The following RNPC3 variants were observed in gnomAD, a reference collection of about 807,000 sequenced individuals.
The protein encoded by RNPC3 is RNA-binding region-containing protein 3.
A neutral mutation model predicts 67.5 loss-of-function variants in RNPC3; 48 were observed. The observed-to-expected ratio is 0.71, with a 90% CI of 0.56 to 0.90. The LOEUF (loss-of-function observed/expected upper bound fraction) is 0.90. Ranked by LOEUF, RNPC3 falls within the 40% of genes least tolerant of loss-of-function variation. The probability of loss-of-function intolerance (pLI) is 0.00; values close to 1 mark genes in which losing one functional copy is unlikely to be tolerated. For synonymous variants in RNPC3, 239 were observed against 210.3 expected (o/e 1.14, Z -1.18); for missense variants, 637 against 626.1 (o/e 1.02, Z -0.19).
intron 6 of RNPC3, among the ~76,000 whole-genome samples, chr1:103,536,703 A>G (rs1650995648): frequency 6.6e-6 from 1 of 152,184 alleles, no homozygotes; most frequent in Non-Finnish European, 1.5e-5. Flanking sequence ...GAGTGTTCAT[A>G]TATGAATAGA....
At chr1:103,552,978 T>C (rs1358906482) in intron 14 of RNPC3, among the ~76,000 whole-genome samples, 2 of 152,216 alleles carry the variant, frequency 1.3e-5, no homozygotes, top group Non-Finnish European at 2.9e-5. Context: ...CCTTTGTTTT[T>C]TATTTAAATT....
chr1:103,539,759 C>T (rs1026903758), intron 7 of RNPC3, among the ~76,000 whole-genome samples: 1 of 152,152 alleles, frequency 6.6e-6, no homozygotes, highest in Admixed American at 6.5e-5. Flanking sequence ...TTGAGTATCT[C>T]TAAACTAAAT....
chr1:103,526,248 G>C lies in RNPC3; in HGVS notation c.178G>C (p.Asp60His). The change falls in exon 1 of 15, where the codon GAT (aspartate) becomes CAT (histidine). Residue 60 changes from aspartate (D) to histidine (H), a missense_variant. By Grantham distance (81) the Asp-to-His change is moderately conservative. This residue lies in a region of RNPC3 where 536 missense variants were observed against 500.3 expected (regional missense o/e 1.07). Transcript: ENST00000423855. ...GGCTCAGTCTGTGCGGGTCCTGTCA[G>C]ATAAGGGGCGACTGGTAAGGGCGCG... is the stretch of plus-strand genomic sequence containing the variant. ...FGAQSVRVLS[D>H]KGRLKHTAFA... The C allele has an allele frequency of 6.5e-7, 1 of 1,544,966 alleles. No individual in the cohort carries two copies. Among genetic ancestry groups the C allele is most frequent in the Non-Finnish European group, 8.7e-7 (1 of 1,143,268 alleles).
At position 103,543,378 on chromosome 1, in the gene RNPC3, T is replaced by C; in HGVS notation, c.976T>C (p.Ser326Pro). 1 of 1,521,302 alleles carries C rather than the reference T, an allele frequency of 6.6e-7. No individual in the cohort carries two copies. The highest frequency in any genetic ancestry group is 8.8e-7 in the Non-Finnish European group (1 of 1,140,068). 94.2% of individuals were successfully genotyped at this position (1,521,302 alleles called of 1,614,324 possible). ...VGNKRIEFHI[S>P]TDMPAAFKKD... Reference sequence around the variant, plus strand: ...TAACAAAAGAATTGAATTCCATATATCTACCGACATGCCAGCTGCATTTAA... The same window carrying C: ...TAACAAAAGAATTGAATTCCATATACCTACCGACATGCCAGCTGCATTTAA... Residue 326 changes from serine (S) to proline (P), a missense_variant, in exon 9 of 15, where the codon TCT (serine) becomes CCT (proline). Ser to Pro is a moderately conservative substitution (Grantham distance 74). Transcript: ENST00000423855.
chr1:103,534,894 C>T (rs1319283954), intron 4 of RNPC3, 37 bp downstream of exon 4: 44 of 1,278,516 alleles, frequency 3.4e-5, no homozygotes, highest in Non-Finnish European at 4.5e-5. Context: ...TGCTTTTGTT[C>T]TGTGTTATAT....
intron 14 of RNPC3, chr1:103,554,390 G>C (rs899781250): frequency 2.6e-5 from 4 of 152,188 alleles, no homozygotes; most frequent in Admixed American, 2.6e-4. Flanking sequence ...TTGATGCTTG[G>C]TTCCTTTGGT....
At chr1:103,537,319 T>G in intron 6 of RNPC3, 23 bp from the exon 7 acceptor site, 1 of 1,500,730 alleles carries the variant, frequency 6.7e-7, no homozygotes, top group Non-Finnish European at 8.9e-7. Context: ...GCCATAGTAT[T>G]TTTGTTTTAT....
intron 10 of RNPC3, 103 bp downstream of exon 10, chr1:103,545,205 A>G: frequency 1.1e-6 from 1 of 901,058 alleles, no homozygotes; most frequent in Non-Finnish European, 1.6e-6. Flanking sequence ...TTTAAGGCAC[A>G]TACTTTAAAA....
intron 1 of RNPC3, among the ~76,000 whole-genome samples, chr1:103,527,056 C>A (rs901406747): frequency 6.6e-6 from 1 of 151,926 alleles, no homozygotes; most frequent in African/African-American, 2.4e-5. Context: ...AATTTAAGTA[C>A]ATCAGGTCAT....
chr1:103,545,140 T>C (rs1265695049), intron 10 of RNPC3, 38 bp downstream of exon 10: 3 of 1,483,902 alleles, frequency 2.0e-6, no homozygotes, highest in Middle Eastern at 3.4e-4. Flanking sequence ...TATTCCATTT[T>C]ACATATCTTT....
intron 7 of RNPC3, among the ~76,000 whole-genome samples, chr1:103,540,382 G>A (rs1032718740): frequency 1.3e-5 from 2 of 152,124 alleles, no homozygotes; most frequent in Non-Finnish European, 2.9e-5. Flanking sequence ...AGCCATTTTG[G>A]ATAAGGGGTG....
chr1:103,527,662 T>G, intron 1 of RNPC3, 33 bp from the exon 2 acceptor site: 1 of 1,491,408 alleles, frequency 6.7e-7, no homozygotes, highest in Non-Finnish European at 9.1e-7. Context: ...TGAAATTATA[T>G]TGGAAGTAAT....
chr1:103,535,508 A>G, intron 5 of RNPC3, 67 bp downstream of exon 5: 1 of 967,614 alleles, frequency 1.0e-6, no homozygotes, highest in East Asian at 2.7e-5. Context: ...TTTCATGCTG[A>G]TTCTCATAAA....
At chr1:103,536,310 G>C in intron 6 of RNPC3, 116 bp downstream of exon 6, 1 of 690,918 alleles carries the variant, frequency 1.4e-6, no homozygotes, top group Non-Finnish European at 2.5e-6. Flanking sequence ...TAAGGAACGG[G>C]TATAAAGTAA....
intron 3 of RNPC3, among the ~76,000 whole-genome samples, chr1:103,534,114 A>T (rs2101044386): frequency 6.6e-6 from 1 of 152,150 alleles, no homozygotes; most frequent in South Asian, 2.1e-4. Flanking sequence ...TTCATCTTCA[A>T]CTTTCAATGG....
At chr1:103,541,882 A>T (rs1417622328) in intron 8 of RNPC3, among the ~76,000 whole-genome samples, 4 of 152,024 alleles carry the variant, frequency 2.6e-5, no homozygotes, top group African/African-American at 9.7e-5. Context: ...GTTTATATAC[A>T]GTTATTTAGT....
Position 103,526,250 on chromosome 1 carries a change from T to A in RNPC3, c.180T>A (p.Asp60Glu), listed in dbSNP as rs192837663. 490 of 1,543,924 alleles carry A rather than the reference T, an allele frequency of 3.2e-4. 5 individuals are homozygous for A. The Admixed American group carries it at 9.3e-3, about 29-fold the overall frequency. Residue 60 changes from aspartate to glutamate, a missense_variant, in exon 1 of 15, where the codon GAT (aspartate) becomes GAA (glutamate). Asp to Glu is a conservative substitution (Grantham distance 45). Coordinates refer to ENST00000423855, the MANE Select transcript of RNPC3 (RefSeq NM_017619.4). The part of the protein sequence containing the change: ...FGAQSVRVLS[D>E]KGRLKHTAFA... ...CTCAGTCTGTGCGGGTCCTGTCAGA[T>A]AAGGGGCGACTGGTAAGGGCGCGCC...
intron 7 of RNPC3, among the ~76,000 whole-genome samples, chr1:103,539,975 G>A (rs936948204): frequency 6.6e-6 from 1 of 152,076 alleles, no homozygotes; most frequent in Non-Finnish European, 1.5e-5. Context: ...CAATCTGCCC[G>A]CATCAGTCCC....
chr1:103,547,101 T>C, intron 12 of RNPC3, 66 bp downstream of exon 12: 2 of 855,284 alleles, frequency 2.3e-6, no homozygotes, highest in Non-Finnish European at 1.7e-6. Flanking sequence ...TTTACCACTA[T>C]TTTAATCCCA....
Sources: allele counts gnomAD v4.1 joint callset (sites outside exome capture counted in the v4.1 genomes callset), GRCh38; gene constraint gnomAD v4.1.1; regional missense constraint gnomAD v4.1.1; transcripts MANE v1.5; gene names NCBI Gene and HGNC (gene_info 2026-07-23, HGNC 2026-07-21).